The following TMEM64 variants were observed in gnomAD, a reference collection of about 807,000 sequenced individuals.
TMEM64 encodes the protein transmembrane protein 64.
TMEM64 carries 19 observed loss-of-function variants against 24.5 expected under a neutral mutation model. The ratio of observed to expected loss-of-function variants is 0.78; its 90% CI spans 0.54 to 1.14. The LOEUF is 1.14. Ranked by LOEUF, TMEM64 falls within the 50% of genes most tolerant of loss-of-function variation. The pLI is 0.00. For missense variants in TMEM64, 487 were observed against 493.0 expected, an observed-to-expected ratio of 0.99 and a Z score of 0.12; for synonymous variants, 262 against 224.7, an observed-to-expected ratio of 1.17 and a Z score of -1.49.
rs1809687905 is a variant in TMEM64 at position 90,645,695 on chromosome 8, C to A, written c.211G>T (p.Glu71Ter). ...GAAGCCTCGGGCGGACCGTGGCGCT[C>A]CAGATAGGCGCCGAGCAGGGCGCCC... ...ASGALLGAYL[E>*]RHGPPEASEL... The change falls in exon 1 of 3, where the codon GAG becomes TAG. Residue 71 changes from glutamate (E) to a stop codon, truncating the protein, a stop_gained. Transcript: ENST00000458549. LOFTEE classifies it high-confidence loss of function. The surrounding 1 kb of genome is among the most constrained non-coding windows in gnomAD (Gnocchi z 4.2). 2.1e-6 allele frequency: 3 copies of A among 1,450,022 alleles called. No homozygotes were observed. The highest frequency in any genetic ancestry group is 2.7e-6 in the Non-Finnish European group (3 of 1,110,448). The allele number at this position is 1,450,022 out of a possible 1,614,324, so 89.8% of individuals were successfully genotyped here.
chr8:90,626,411 T>C (rs1809360140), intron 2 of TMEM64, among the ~76,000 whole-genome samples: 1 of 152,128 alleles, frequency 6.6e-6, no homozygotes, highest in South Asian at 2.1e-4. Context: ...GAACAAGTAA[T>C]TGCCTGTACT....
chr8:90,643,319 T>C (rs747593972), intron 1 of TMEM64, among the ~76,000 whole-genome samples: 1 of 152,228 alleles, frequency 6.6e-6, no homozygotes, highest in Non-Finnish European at 1.5e-5. Flanking sequence ...CTCTGCTGCA[T>C]GTATTCATCT....
At position 90,644,023 on chromosome 8, in the gene TMEM64, T is replaced by C. The variant is rs138112220; in HGVS notation, c.795+1088A>G. Among the ~76,000 whole-genome samples, 780 of 152,324 alleles carry C rather than the reference T, an allele frequency of 5.1e-3. 6 individuals carry two copies. Among genetic ancestry groups the C allele is most frequent in the African/African-American group, 0.017 (711 of 41,566 alleles). On this transcript the variant is annotated intron_variant, in intron 1 of 2. Transcript: ENST00000458549. ...ACAAAATGAGAAAGTTTCCAGAAAC[T>C]AACAATAATTTACGTTTTGAAACAA...
intron 1 of TMEM64, among the ~76,000 whole-genome samples, chr8:90,636,187 T>C (rs16905034): frequency 0.037 from 5,637 of 152,310 alleles, 298 homozygotes; most frequent in African/African-American, 0.13. Flanking sequence ...AACATACATA[T>C]ACACAGGTTT....
chr8:90,632,314 TTTGTTG>T (rs555632938), intron 1 of TMEM64, among the ~76,000 whole-genome samples: 2,510 of 151,576 alleles, frequency 0.017, 63 homozygotes, highest in African/African-American at 0.052. Flanking sequence ...ACCGCTACTT[TTTGTTG>T]TTGTTGTTGT....
At chr8:90,635,896 CT>C (rs1204592396) in intron 1 of TMEM64, among the ~76,000 whole-genome samples, 1 of 152,110 alleles carries the variant, frequency 6.6e-6, no homozygotes, top group Admixed American at 6.5e-5. Context: ...TGTAATGAAG[CT>C]TCTCTAAATA....
intron 2 of TMEM64, among the ~76,000 whole-genome samples, chr8:90,626,615 C>CTTTTTTTTCTTTTTT (rs1563952767): frequency 1.4e-5 from 2 of 140,312 alleles, no homozygotes; most frequent in African/African-American, 5.4e-5. Flanking sequence ...TCCCTCTGTA[C>CTTTTTTTTCTTTTTT]TTTTTTTTTC....
intron 1 of TMEM64, among the ~76,000 whole-genome samples, chr8:90,633,237 A>C (rs1809466348): frequency 6.6e-6 from 1 of 152,226 alleles, no homozygotes; most frequent in African/African-American, 2.4e-5. Context: ...CCATGCTCTA[A>C]GTAGCTCCCA....
intron 1 of TMEM64, among the ~76,000 whole-genome samples, chr8:90,636,023 T>C (rs1432758551): frequency 6.6e-6 from 1 of 152,210 alleles, no homozygotes. Flanking sequence ...CCGTTGCCCA[T>C]GCATAAACTG....
chr8:90,629,887 C>CTTGTACCTCA (rs1809412843), intron 2 of TMEM64, among the ~76,000 whole-genome samples: 1 of 152,054 alleles, frequency 6.6e-6, no homozygotes, highest in African/African-American at 2.4e-5. Flanking sequence ...ATGTACTAAA[C>CTTGTACCTCA]TTGTACCTCA....
chr8:90,645,333 G>A lies in TMEM64; in HGVS notation c.573C>T (p.Phe191=), dbSNP rs1163826931. Reference sequence around the variant, plus strand: ...CCATCATCAGACCCATGCCCAGCACGAAGCCGTACAGGTAGCCAGCGGCCA... The same window carrying A: ...CCATCATCAGACCCATGCCCAGCACAAAGCCGTACAGGTAGCCAGCGGCCA... ...LNVAAGYLYG[F]VLGMGLMMVG... is the part of the protein sequence containing the mutation. The change falls in exon 1 of 3, where the codon TTC becomes TTT. Residue 191 remains phenylalanine, a synonymous_variant. Transcript: ENST00000458549. This position sits in a 1 kb window ranked among gnomAD's most constrained non-coding sequence, Gnocchi z 4.2. 6.4e-7 allele frequency: 1 copy of A among 1,560,062 alleles called. No homozygotes were observed. Among genetic ancestry groups the A allele is most frequent in the Non-Finnish European group, 8.7e-7 (1 of 1,151,694 alleles).
intron 1 of TMEM64, among the ~76,000 whole-genome samples, chr8:90,635,367 C>CATTTTATTTT (rs540790616): frequency 0.031 from 4,629 of 149,292 alleles, 187 homozygotes; most frequent in African/African-American, 0.095. Context: ...GCTTCCAAAT[C>CATTTTATTTT]ATTTTATTTT....
At chr8:90,637,351 G>C (rs1258475697) in intron 1 of TMEM64, among the ~76,000 whole-genome samples, 1 of 152,078 alleles carries the variant, frequency 6.6e-6, no homozygotes, top group Non-Finnish European at 1.5e-5. Flanking sequence ...TTACCACTTT[G>C]ATTTAACCCA....
At chr8:90,632,456 G>A (rs568535711) in intron 1 of TMEM64, among the ~76,000 whole-genome samples, 4 of 152,218 alleles carry the variant, frequency 2.6e-5, no homozygotes, top group Non-Finnish European at 5.9e-5. Flanking sequence ...CCAAGTAGCT[G>A]GGACTACAGG....
intron 2 of TMEM64, among the ~76,000 whole-genome samples, chr8:90,630,315 TTTA>T: frequency 6.6e-6 from 1 of 152,334 alleles, no homozygotes; most frequent in South Asian, 2.1e-4. Context: ...TGTGCTATTT[TTTA>T]TTGTTGTATT....
rs924487036 is a variant in TMEM64, at chr8:90,623,554, A to C, written c.*2117T>G. ...TCAATCCATACTATTTTAAGAAAAAAATGGATGATTTATTATATAAAATTA... is the reference window on the plus strand; with the variant it reads ...TCAATCCATACTATTTTAAGAAAAACATGGATGATTTATTATATAAAATTA... On this transcript the variant is annotated 3_prime_UTR_variant, in exon 3 of 3. Transcript: ENST00000458549. The C allele has an allele frequency of 6.6e-6, 1 of 152,542 alleles. No individual in the cohort carries two copies. The highest frequency in any genetic ancestry group is 1.5e-5 in the Non-Finnish European group (1 of 67,984). 9.4% of individuals were successfully genotyped at this position (152,542 alleles called of 1,614,324 possible).
intron 2 of TMEM64, among the ~76,000 whole-genome samples, chr8:90,630,787 TATC>T (rs1028470695): frequency 2.6e-5 from 4 of 152,214 alleles, no homozygotes; most frequent in South Asian, 2.1e-4. Flanking sequence ...AAAGGTGAAC[TATC>T]ATCATCATCT....
intron 1 of TMEM64, among the ~76,000 whole-genome samples, chr8:90,637,189 C>T (rs1042258387): frequency 6.6e-6 from 1 of 152,292 alleles, no homozygotes; most frequent in South Asian, 2.1e-4. Flanking sequence ...CACAGCATTT[C>T]TGGAGCTGAC....
chr8:90,642,757 C>CTA (rs61090756), intron 1 of TMEM64, among the ~76,000 whole-genome samples: 26,003 of 152,046 alleles, frequency 0.17, 4,715 homozygotes, highest in African/African-American at 0.46. Context: ...CCTGCTATGG[C>CTA]TGAGTCAAAA....
Sources: gnomAD v4.1 joint callset for allele counts (sites outside exome capture counted in the v4.1 genomes callset) on GRCh38, gnomAD v4.1.1 for gene constraint, Gnocchi (gnomAD v3.1) non-coding constraint, MANE v1.5 for transcripts, NCBI Gene and HGNC (gene_info 2026-07-23, HGNC 2026-07-21) for gene names.